MATN2: variants seen among roughly 807,000 people sequenced by gnomAD.
MATN2 encodes the protein matrilin 2.
Under a neutral mutation model 103.2 loss-of-function variants are expected in MATN2, and 69 were observed. That is an observed-to-expected ratio of 0.67 (90% CI 0.55 to 0.82). MATN2 has a LOEUF of 0.82. Ranked by LOEUF, MATN2 falls within the 40% of genes least tolerant of loss-of-function variation. The pLI is 0.00. For missense variants in MATN2, 1,023 were observed against 1,211.5 expected (o/e 0.84, Z 2.31); for synonymous variants, 429 against 450.2 (o/e 0.95, Z 0.60).
chr8:98,007,057 G>C lies in MATN2; in HGVS notation c.1328-48G>C. On this transcript the variant is annotated intron_variant, in intron 8 of 18. Transcript: ENST00000254898. The surrounding 1 kb of genome is among the most constrained non-coding windows in gnomAD (Gnocchi z 4.2). ...TTTTTGAATCTTGGTTGCTGGTGGG[G>C]TATTGCCCCCTCGGCTCCTCTATGC... 1 of 1,552,890 alleles carries C rather than the reference G, an allele frequency of 6.4e-7. No homozygotes were observed. Among genetic ancestry groups the C allele is most frequent in the South Asian group, 1.2e-5 (1 of 84,894 alleles).
At chr8:97,943,851 G>A (rs1810656616) in intron 4 of MATN2, among the ~76,000 whole-genome samples, 2 of 152,082 alleles carry the variant, frequency 1.3e-5, no homozygotes, top group Non-Finnish European at 2.9e-5. Context: ...ATTTTCCGTG[G>A]GCTGGCCTAG....
At chr8:97,889,459 CTATATATATATATA>C (rs56115197) in intron 2 of MATN2, among the ~76,000 whole-genome samples, 7 of 123,398 alleles carry the variant, frequency 5.7e-5, no homozygotes, top group African/African-American at 8.6e-5. Context: ...CTCTCTCTGT[CTATATATATATATA>C]TATATATATA....
intron 6 of MATN2, among the ~76,000 whole-genome samples, chr8:97,988,170 AAAT>A (rs1812264950): frequency 2.3e-5 from 1 of 44,412 alleles, no homozygotes; most frequent in African/African-American, 7.3e-5. Flanking sequence ...AAAAAAAAAA[AAAT>A]ATATATATAT....
At chr8:97,956,558 T>C (rs1811151035) in intron 4 of MATN2, among the ~76,000 whole-genome samples, 1 of 152,194 alleles carries the variant, frequency 6.6e-6, no homozygotes, top group Non-Finnish European at 1.5e-5. Context: ...GTTTGTCAGG[T>C]CATTGACACG....
At chr8:98,018,426 C>A (rs1263377071) in intron 12 of MATN2, among the ~76,000 whole-genome samples, 1 of 152,162 alleles carries the variant, frequency 6.6e-6, no homozygotes, top group Non-Finnish European at 1.5e-5. Flanking sequence ...TGAATTAGAA[C>A]CTCTGCCAGC....
intron 2 of MATN2, among the ~76,000 whole-genome samples, chr8:97,893,733 C>T (rs531347290): frequency 2.6e-5 from 4 of 152,184 alleles, no homozygotes; most frequent in African/African-American, 9.6e-5. Context: ...CCTGCCACCA[C>T]GCCCGGTTAA....
intron 6 of MATN2, among the ~76,000 whole-genome samples, chr8:97,987,458 A>G (rs1812232122): frequency 1.3e-5 from 2 of 152,186 alleles, no homozygotes; most frequent in African/African-American, 4.8e-5. Context: ...TGAAGGAAAA[A>G]AAAGTGTTTC....
Position 97,884,291 on chromosome 8 carries a change from C to A in MATN2, c.-26-3784C>A, listed in dbSNP as rs572900374. 1.7e-3 allele frequency among the ~76,000 whole-genome samples: 260 copies of A among 151,958 alleles called. 1 individual carries two copies. Among genetic ancestry groups the A allele is most frequent in the African/African-American group, 5.6e-3 (233 of 41,472 alleles). ...AAGTAGCTGGGATTACAGGCTTGCACCACCATGCCCAGCTAATTTTGTATT... is the reference window on the plus strand; with the variant it reads ...AAGTAGCTGGGATTACAGGCTTGCAACACCATGCCCAGCTAATTTTGTATT... On this transcript the variant is annotated intron_variant, in intron 1 of 18. Coordinates refer to ENST00000254898, the MANE Select transcript of MATN2 (RefSeq NM_002380.5).
At chr8:97,871,334 G>A (rs562774736) in intron 1 of MATN2, among the ~76,000 whole-genome samples, 3 of 152,320 alleles carry the variant, frequency 2.0e-5, no homozygotes, top group South Asian at 4.1e-4. Context: ...GGGAGAGACC[G>A]GCTTAGGCCT....
chr8:97,977,238 A>C lies in MATN2; in HGVS notation c.959-1648A>C, dbSNP rs1811869884. 4.7e-5 allele frequency among the ~76,000 whole-genome samples: 3 copies of C among 63,318 alleles called. No homozygotes were observed. In the Admixed American group the frequency reaches 5.0e-4, roughly 11 times the overall value. 41.5% of individuals were successfully genotyped at this position (63,318 alleles called of 152,430 possible). ...GAGACAAAGTGAGACCCTGTCTCAA[A>C]AAAAAAAAAAAAAAAAAAAAAAAAA... On this transcript the variant is annotated intron_variant, in intron 5 of 18. Transcript: ENST00000254898.
rs112706121 is a variant in MATN2, at chr8:97,954,044, C to T, written c.836-7364C>T. ...GCCCATCTAGATTATCTCACTCAAC[C>T]CTACAAATAAGATATTTAACCTTTT... On this transcript the variant is annotated intron_variant, in intron 4 of 18. Transcript: ENST00000254898. Among the ~76,000 whole-genome samples the T allele has an allele frequency of 1.6e-3, 248 of 152,180 alleles. 2 individuals are homozygous for T. The highest frequency in any genetic ancestry group is 5.6e-3 in the African/African-American group (231 of 41,524).
At chr8:97,894,126 AT>A (rs1818725651) in intron 2 of MATN2, among the ~76,000 whole-genome samples, 1 of 152,122 alleles carries the variant, frequency 6.6e-6, no homozygotes, top group Admixed American at 6.6e-5. Context: ...GGAGACAAAG[AT>A]TTAAAAGGAA....
intron 3 of MATN2, among the ~76,000 whole-genome samples, chr8:97,934,607 C>T (rs1810312669): frequency 6.6e-6 from 1 of 152,184 alleles, no homozygotes; most frequent in Non-Finnish European, 1.5e-5. Flanking sequence ...AAGGACATGC[C>T]TGGAGAAAAG....
Position 97,894,249 on chromosome 8 carries a change from C to T in MATN2, c.142+6007C>T, listed in dbSNP as rs540050173. 5.3e-5 allele frequency among the ~76,000 whole-genome samples: 8 copies of T among 150,248 alleles called. No homozygotes were observed. In the East Asian group the frequency reaches 9.8e-4, roughly 18 times the overall value. On this transcript the variant is annotated intron_variant, in intron 2 of 18. Transcript: ENST00000254898. The stretch of plus-strand genomic sequence containing the variant: ...CAGAGGTGTTCCAGGGTAGACACCA[C>T]AGCATTTAGTAAAATTTACTCATAA...
chr8:98,033,209 CTT>C (rs1814105876), intron 17 of MATN2, 33 bp downstream of exon 17: 7 of 1,558,022 alleles, frequency 4.5e-6, no homozygotes, highest in Middle Eastern at 3.5e-4. Flanking sequence ...TATAAGATAA[CTT>C]GATCTCAGCC....
rs550242664 is a variant in MATN2 at position 97,910,477 on chromosome 8, G to C, written c.143-20476G>C. On this transcript the variant is annotated intron_variant, in intron 2 of 18. Transcript: ENST00000254898. Reference sequence around the variant, plus strand: ...CCAGGGGAGGGATGATGGTAGGGTTGAGTAATCCCTGGAGTGTAACAAACA... The same window carrying C: ...CCAGGGGAGGGATGATGGTAGGGTTCAGTAATCCCTGGAGTGTAACAAACA... 5.3e-4 allele frequency among the ~76,000 whole-genome samples: 81 copies of C among 152,304 alleles called. 3 individuals carry two copies. In the South Asian group the frequency reaches 0.017, roughly 31 times the overall value.
chr8:98,013,889 A>C (rs1205170598), intron 10 of MATN2, among the ~76,000 whole-genome samples: 1 of 152,182 alleles, frequency 6.6e-6, no homozygotes, highest in African/African-American at 2.4e-5. Context: ...CGGGAGGATC[A>C]CTTGAGGCCA....
chr8:98,026,251 A>ATTT (rs201197153), intron 13 of MATN2, among the ~76,000 whole-genome samples: 3 of 142,678 alleles, frequency 2.1e-5, no homozygotes, highest in African/African-American at 5.2e-5. Flanking sequence ...TTTTTTTTTA[A>ATTT]TTTTGTTTTT....
rs1295648322 is a variant in MATN2 at position 97,931,997 on chromosome 8, A to C, written c.712+475A>C. ...GGATTATAGGCATGAGCACCCAGCTAAGACAGACATTAAATATATAATTAT... is the reference window on the plus strand; with the variant it reads ...GGATTATAGGCATGAGCACCCAGCTCAGACAGACATTAAATATATAATTAT... On this transcript the variant is annotated intron_variant, in intron 3 of 18. Transcript: ENST00000254898. The surrounding 1 kb of genome is among the most constrained non-coding windows in gnomAD (Gnocchi z 4.1). 6.6e-6 allele frequency among the ~76,000 whole-genome samples: 1 copy of C among 152,204 alleles called. No individual in the cohort carries two copies. Among genetic ancestry groups the C allele is most frequent in the Non-Finnish European group, 1.5e-5 (1 of 68,040 alleles).
Sources: allele counts gnomAD v4.1 joint callset (sites outside exome capture counted in the v4.1 genomes callset), GRCh38; gene constraint gnomAD v4.1.1; non-coding constraint Gnocchi (gnomAD v3.1); transcripts MANE v1.5; gene names NCBI Gene and HGNC (gene_info 2026-07-23, HGNC 2026-07-21).